ALG12: variants seen among roughly 807,000 people sequenced by gnomAD.
ALG12 encodes dol-P-Man:Man(7)GlcNAc(2)-PP-Dol alpha-1,6-mannosyltransferase.
ALG12 carries 36 observed loss-of-function variants against 46.0 expected under a neutral mutation model. That is an observed-to-expected ratio of 0.78 (90% confidence interval 0.60 to 1.03). ALG12 has a LOEUF of 1.03. Ranked by LOEUF, ALG12 falls within the 50% of genes least tolerant of loss-of-function variation. ALG12 has a pLI of 0.00. For synonymous variants in ALG12, 326 were observed against 291.6 expected (o/e 1.12, Z -1.20); for missense variants, 599 against 633.5 (o/e 0.95, Z 0.58).
the ALG12 span, chr22:49,886,581 G>A: frequency 6.4e-7 from 1 of 1,555,182 alleles, no homozygotes; most frequent in Non-Finnish European, 8.7e-7. This position sits in a 1 kb window ranked among gnomAD's most constrained non-coding sequence, Gnocchi z 7.7. Flanking sequence ...TGCTCTTCGA[G>A]GAGACGATGG....
In ALG12 at chr22:49,903,183, T is replaced by C. The variant is rs1360069610; in HGVS notation, c.*655A>G. The C allele has an allele frequency of 2.7e-6, 1 of 373,502 alleles. No individual in the cohort carries two copies. The highest frequency in any genetic ancestry group is 5.3e-6 in the Non-Finnish European group (1 of 190,080). 23.1% of individuals were successfully genotyped at this position (373,502 alleles called of 1,614,324 possible). A position where few individuals can be genotyped will look rare whatever the true frequency, so the allele number is the denominator to read the frequency against. On this transcript the variant is annotated 3_prime_UTR_variant, in exon 10 of 10. Transcript: ENST00000330817. Reference sequence around the variant, plus strand: ...GATAAGCTATCACATAGGAAACATTTTTAAAATTTCATTCTCATTATTTTC... The same window carrying C: ...GATAAGCTATCACATAGGAAACATTCTTAAAATTTCATTCTCATTATTTTC...
rs924108467 is a variant in ALG12, at chr22:49,902,947, A to G, written c.*891T>C. ...CACGTGTGCACGGTGTGTGGTGTGTATGCATGGTGTGTGCACGTGTGCACT... is the reference window on the plus strand; with the variant it reads ...CACGTGTGCACGGTGTGTGGTGTGTGTGCATGGTGTGTGCACGTGTGCACT... On this transcript the variant is annotated 3_prime_UTR_variant, in exon 10 of 10. Coordinates refer to ENST00000330817, the MANE Select transcript of ALG12 (RefSeq NM_024105.4). 1 of 286,314 alleles carries G rather than the reference A, an allele frequency of 3.5e-6. No homozygotes were observed. The highest frequency in any genetic ancestry group is 2.9e-5 in the South Asian group (1 of 35,082). The allele number at this position is 286,314 out of a possible 1,614,324, so 17.7% of individuals were successfully genotyped here.
At chr22:49,913,214 A>G (rs1478425847) in intron 3 of ALG12, among the ~76,000 whole-genome samples, 171 bp downstream of exon 3, 12 of 152,216 alleles carry the variant, frequency 7.9e-5, no homozygotes, top group Admixed American at 7.9e-4. Flanking sequence ...GCTGACTCAG[A>G]CGTCTTAGGC....
At chr22:49,887,264 G>A in the ALG12 span, 1 of 1,416,548 alleles carries the variant, frequency 7.1e-7, no homozygotes, top group Non-Finnish European at 9.6e-7. Flanking sequence ...TCTGCCCACG[G>A]CTGTGTACGA....
chr22:49,914,087 C>T (rs552548631), intron 1 of ALG12, among the ~76,000 whole-genome samples: 4 of 152,326 alleles, frequency 2.6e-5, no homozygotes, highest in Admixed American at 6.5e-5. Context: ...GGATCTCAGT[C>T]GCAGAACCCT....
the ALG12 span, among the ~76,000 whole-genome samples, chr22:49,893,180 C>T: frequency 6.6e-6 from 1 of 152,154 alleles, no homozygotes; most frequent in Admixed American, 6.6e-5. Flanking sequence ...AGACACAGCG[C>T]AAGAGAAAAG....
downstream of ALG12, among the ~76,000 whole-genome samples, chr22:49,898,040 T>G (rs559109417): frequency 2.6e-5 from 4 of 152,064 alleles, no homozygotes; most frequent in Admixed American, 6.5e-5. Context: ...ACTTTGTATA[T>G]ATTGGAGACC....
chr22:49,889,354 G>T, the ALG12 span: 1 of 167,224 alleles, frequency 6.0e-6, no homozygotes, highest in East Asian at 1.9e-4. Context: ...AGTTGTGACA[G>T]AGACCACAGG....
the ALG12 span, chr22:49,885,962 C>T: frequency 8.2e-5 from 59 of 722,942 alleles, no homozygotes; most frequent in East Asian, 1.3e-3. Flanking sequence ...CACCACTGCT[C>T]GGCGCTGTTG....
At chr22:49,882,562 G>A in the ALG12 span, among the ~76,000 whole-genome samples, 1 of 152,092 alleles carries the variant, frequency 6.6e-6, no homozygotes, top group East Asian at 1.9e-4. Flanking sequence ...TGACTCCATC[G>A]TCCTCCGAGC....
the ALG12 span, among the ~76,000 whole-genome samples, chr22:49,892,836 TAAAA>T: frequency 3.9e-5 from 6 of 152,102 alleles, no homozygotes; most frequent in African/African-American, 1.4e-4. Flanking sequence ...TTGACTCTCA[TAAAA>T]AAATTATGAG....
the ALG12 span, chr22:49,885,542 C>G: frequency 6.8e-6 from 11 of 1,606,454 alleles, no homozygotes; most frequent in African/African-American, 1.3e-5. Flanking sequence ...TCTCCGGACA[C>G]CCGGGTGCCG....
At chr22:49,894,382 C>G in the ALG12 span, among the ~76,000 whole-genome samples, 1 of 152,324 alleles carries the variant, frequency 6.6e-6, no homozygotes, top group African/African-American at 2.4e-5. Context: ...AAGTGGAATG[C>G]AAACTCCAAT....
At chr22:49,878,988 CA>C in the ALG12 span, among the ~76,000 whole-genome samples, 1 of 150,962 alleles carries the variant, frequency 6.6e-6, no homozygotes, top group Admixed American at 6.6e-5. Flanking sequence ...ACTAAAAATA[CA>C]AAAAAATTAG....
the ALG12 span, among the ~76,000 whole-genome samples, chr22:49,864,629 C>T: frequency 8.9e-3 from 1,357 of 152,222 alleles, 15 homozygotes; most frequent in Non-Finnish European, 0.013. Flanking sequence ...CCAGCCTCAG[C>T]AACCTAGTGA....
At chr22:49,899,189 C>T (rs2060494362), downstream of ALG12, among the ~76,000 whole-genome samples, 1 of 151,830 alleles carries the variant, frequency 6.6e-6, no homozygotes. Flanking sequence ...AAAAATGATG[C>T]AGGCCGGGCA....
downstream of ALG12, among the ~76,000 whole-genome samples, chr22:49,899,250 G>C (rs1156957614): frequency 5.3e-5 from 8 of 152,122 alleles, no homozygotes; most frequent in East Asian, 1.5e-3. Flanking sequence ...GCCGAGGCGA[G>C]TGGATCACTC....
intron 1 of ALG12, among the ~76,000 whole-genome samples, 190 bp from the exon 2 acceptor site, chr22:49,914,033 G>C (rs2060596645): frequency 6.6e-6 from 1 of 152,234 alleles, no homozygotes; most frequent in Non-Finnish European, 1.5e-5. Context: ...ACTGTAACCA[G>C]TGATCTGACA....
chr22:49,896,699 G>A (rs998383038), downstream of ALG12, among the ~76,000 whole-genome samples: 2 of 152,150 alleles, frequency 1.3e-5, no homozygotes, highest in African/African-American at 4.8e-5. Context: ...ACAATGGCGT[G>A]ATCTCAGCTC....
Sources: allele counts gnomAD v4.1 joint callset (sites outside exome capture counted in the v4.1 genomes callset), GRCh38; gene constraint gnomAD v4.1.1; non-coding constraint Gnocchi (gnomAD v3.1); transcripts MANE v1.5; gene names NCBI Gene and HGNC (gene_info 2026-07-23, HGNC 2026-07-21).